CPNE5: variants seen among roughly 807,000 people sequenced by gnomAD.
The protein encoded by CPNE5 is copine 5.
CPNE5 carries 42 observed loss-of-function variants against 81.1 expected under a neutral mutation model. The observed-to-expected ratio is 0.52, with a 90% CI of 0.40 to 0.67. CPNE5 has a LOEUF of 0.67. Ranked by LOEUF, CPNE5 falls within the 30% of genes least tolerant of loss-of-function variation. CPNE5 has a pLI of 0.00. For synonymous variants in CPNE5, 313 were observed against 321.5 expected (o/e 0.97, Z 0.28); for missense variants, 612 against 815.5 (o/e 0.75, Z 3.04).
At chr6:36,791,965 G>A (rs910508932) in intron 8 of CPNE5, 68 bp downstream of exon 8, 1 of 1,410,928 alleles carries the variant, frequency 7.1e-7, no homozygotes, top group Admixed American at 1.7e-5. Context: ...AGGGGCTCAG[G>A]GAGGCCAGCC....
Position 36,792,091 on chromosome 6 carries a change from A to G in CPNE5, c.470T>C (p.Val157Ala), listed in dbSNP as rs757252353. 6.2e-6 allele frequency: 10 copies of G among 1,613,604 alleles called. No homozygotes were observed. The highest frequency in any genetic ancestry group is 5.3e-5 in the African/African-American group (4 of 74,866). The change falls in exon 8 of 21, where the codon GTC becomes GCC. Residue 157 changes from valine (V) to alanine (A), a missense_variant. Physicochemically the swap from Val to Ala is moderately conservative, Grantham distance 64 (BLOSUM62 0). Transcript: ENST00000244751. ...KPMPAVSNGG[V>A]PGKKCGTIIL... ...GATGGTGCCACATTTCTTTCCTGGG[A>G]CACCACTGGGAGAGGAGAAGATGAA...
chr6:36,818,600 G>A (rs236386), intron 3 of CPNE5, among the ~76,000 whole-genome samples: 88,817 of 152,028 alleles, frequency 0.58, 26,749 homozygotes, highest in African/African-American at 0.72. Context: ...CACCCTCACC[G>A]CAGGCCTATA....
chr6:36,746,322 C>T lies in CPNE5; in HGVS notation c.1200+74G>A, dbSNP rs909396163. ...GTCCCCGGGCTCAGAGGAAGGGAAA[C>T]GTCCCCCCACCCCCAGCTTGTCACC... On this transcript the variant is annotated intron_variant, in intron 16 of 20. Coordinates refer to ENST00000244751, the MANE Select transcript of CPNE5 (RefSeq NM_020939.2). This position sits in a 1 kb window ranked among gnomAD's most constrained non-coding sequence, Gnocchi z 4.5. 6 of 1,411,910 alleles carry T rather than the reference C, an allele frequency of 4.2e-6. No homozygotes were observed. In the African/African-American group the frequency reaches 5.9e-5, roughly 14 times the overall value. The allele number at this position is 1,411,910 out of a possible 1,614,324, so 87.5% of individuals were successfully genotyped here.
intron 8 of CPNE5, among the ~76,000 whole-genome samples, chr6:36,779,399 C>A (rs577438967): frequency 6.6e-6 from 1 of 152,266 alleles, no homozygotes; most frequent in Admixed American, 6.5e-5. Context: ...CTGAGTGGCT[C>A]GGAAAGGTGA....
chr6:36,808,401 C>T (rs908352323), intron 3 of CPNE5, among the ~76,000 whole-genome samples: 3 of 152,094 alleles, frequency 2.0e-5, no homozygotes, highest in African/African-American at 7.2e-5. Flanking sequence ...AACCTGCTTC[C>T]AGATTTCTAA....
chr6:36,809,568 G>A (rs1284897585), intron 3 of CPNE5, among the ~76,000 whole-genome samples: 1 of 151,796 alleles, frequency 6.6e-6, no homozygotes, highest in East Asian at 1.9e-4. Context: ...AGAGCACGAC[G>A]CTGTCTCAAA....
In CPNE5 at chr6:36,839,380, C is replaced by G; in HGVS notation, c.-3G>C. 1 of 1,542,120 alleles carries G rather than the reference C, an allele frequency of 6.5e-7. No homozygotes were observed. The highest frequency in any genetic ancestry group is 8.8e-7 in the Non-Finnish European group (1 of 1,141,310). On this transcript the variant is annotated 5_prime_UTR_variant, in exon 1 of 21. Coordinates refer to ENST00000244751, the MANE Select transcript of CPNE5 (RefSeq NM_020939.2). This position sits in a 1 kb window ranked among gnomAD's most constrained non-coding sequence, Gnocchi z 7.3. ...GCCATGTCCTCAGGCTGCTCCATCG[C>G]CCACCGCACCCCCCACCCCAAATTA... is the stretch of plus-strand genomic sequence containing the variant.
chr6:36,839,162 G>T lies in CPNE5; in HGVS notation c.95+121C>A. ...CTCTTGGCAGATCGGCAGGGGCGCAGTCCTGGAGACCAGGACACTCTGGGA... is the reference window on the plus strand; with the variant it reads ...CTCTTGGCAGATCGGCAGGGGCGCATTCCTGGAGACCAGGACACTCTGGGA... On this transcript the variant is annotated intron_variant, in intron 1 of 20. Coordinates refer to ENST00000244751, the MANE Select transcript of CPNE5 (RefSeq NM_020939.2). The surrounding 1 kb of genome is among the most constrained non-coding windows in gnomAD (Gnocchi z 7.3). 1.4e-6 allele frequency: 1 copy of T among 707,336 alleles called. No homozygotes were observed. The highest frequency in any genetic ancestry group is 2.2e-6 in the Non-Finnish European group (1 of 444,792). 43.8% of individuals were successfully genotyped at this position (707,336 alleles called of 1,614,324 possible).
chr6:36,776,247 A>G (rs1767489838), intron 9 of CPNE5, among the ~76,000 whole-genome samples: 1 of 152,196 alleles, frequency 6.6e-6, no homozygotes. Context: ...TAGAAAGGTC[A>G]CCCAAATAAG....
At chr6:36,824,805 G>A (rs1034219878) in intron 1 of CPNE5, among the ~76,000 whole-genome samples, 7 of 152,136 alleles carry the variant, frequency 4.6e-5, no homozygotes, top group African/African-American at 1.7e-4. Context: ...AATTAGCCCG[G>A]CATGGTGGTA....
At chr6:36,760,517 G>T (rs1467450311) in intron 12 of CPNE5, among the ~76,000 whole-genome samples, 2 of 152,140 alleles carry the variant, frequency 1.3e-5, no homozygotes, top group Admixed American at 1.3e-4. Context: ...GCCCCATAAG[G>T]GGGGAGATGA....
chr6:36,810,343 C>A (rs1770992567), intron 3 of CPNE5, among the ~76,000 whole-genome samples: 2 of 152,232 alleles, frequency 1.3e-5, no homozygotes, highest in African/African-American at 4.8e-5. Context: ...AGCCGTAGAT[C>A]CCTCAATACT....
intron 10 of CPNE5, among the ~76,000 whole-genome samples, chr6:36,769,538 G>C (rs948724427): frequency 6.6e-6 from 1 of 152,206 alleles, no homozygotes; most frequent in Non-Finnish European, 1.5e-5. Flanking sequence ...GTTTCCCTGC[G>C]GCTTACAAGT....
At chr6:36,767,243 C>G (rs1766640642) in intron 10 of CPNE5, among the ~76,000 whole-genome samples, 1 of 152,238 alleles carries the variant, frequency 6.6e-6, no homozygotes. Context: ...TCAAGCCTGA[C>G]TGCCTGGCCA....
intron 19 of CPNE5, 49 bp downstream of exon 19, chr6:36,744,219 G>T (rs898472880): frequency 8.2e-6 from 12 of 1,461,494 alleles, no homozygotes; most frequent in Non-Finnish European, 1.1e-5. Context: ...TGGGGGCAGG[G>T]TTGCGTGGCT....
rs1240623049 is a variant in CPNE5, at chr6:36,766,152, C to T, written c.738-776G>A. Among the ~76,000 whole-genome samples, 1 of 152,000 alleles carries T rather than the reference C, an allele frequency of 6.6e-6. No homozygotes were observed. The highest frequency in any genetic ancestry group is 1.5e-5 in the Non-Finnish European group (1 of 67,982). On this transcript the variant is annotated intron_variant, in intron 10 of 20. Coordinates refer to ENST00000244751, the MANE Select transcript of CPNE5 (RefSeq NM_020939.2). The surrounding 1 kb of genome is among the most constrained non-coding windows in gnomAD (Gnocchi z 4.2). ...CAGGGGAGCTGCCAGGGTCCCACAG[C>T]AGGGTCAGGTTTGGGGAGGTGGGAA... is the stretch of plus-strand genomic sequence containing the variant.
At chr6:36,774,823 C>A in intron 10 of CPNE5, 138 bp downstream of exon 10, 1 of 663,862 alleles carries the variant, frequency 1.5e-6, no homozygotes, top group South Asian at 1.9e-5. Context: ...TGCAGGGCAC[C>A]CCCTACTGCA....
At chr6:36,779,956 T>TC (rs1767881576) in intron 8 of CPNE5, among the ~76,000 whole-genome samples, 1 of 142,326 alleles carries the variant, frequency 7.0e-6, no homozygotes, top group Non-Finnish European at 1.5e-5. Context: ...CCCTCACACA[T>TC]CCCCCCTTCC....
intron 14 of CPNE5, among the ~76,000 whole-genome samples, chr6:36,750,018 T>C (rs1210989835): frequency 6.6e-6 from 1 of 152,186 alleles, no homozygotes; most frequent in African/African-American, 2.4e-5. Flanking sequence ...TTAAGAAGAT[T>C]CCAGGGCTCC....
Sources: allele counts gnomAD v4.1 joint callset (sites outside exome capture counted in the v4.1 genomes callset), GRCh38; gene constraint gnomAD v4.1.1; non-coding constraint Gnocchi (gnomAD v3.1); transcripts MANE v1.5; gene names NCBI Gene and HGNC (gene_info 2026-07-23, HGNC 2026-07-21).